ACAD11: variants seen among roughly 807,000 people sequenced by gnomAD.
The protein encoded by ACAD11 is acyl-Coenzyme A dehydrogenase family, member 11.
ACAD11 carries 83 observed loss-of-function variants against 102.2 expected under a neutral mutation model. The observed-to-expected ratio is 0.81, with a 90% CI of 0.68 to 0.97. ACAD11 has a LOEUF of 0.97. Among genes scored for constraint, ACAD11 ranks in the 50% least tolerant of loss-of-function variants. The probability of loss-of-function intolerance (pLI) is 0.00; values close to 1 mark genes in which losing one functional copy is unlikely to be tolerated. For synonymous variants in ACAD11, 324 were observed against 319.8 expected (o/e 1.01, Z -0.14); for missense variants, 901 against 951.7 (o/e 0.95, Z 0.70).
At chr3:132,559,765 A>G (rs1030669610) in intron 19 of ACAD11, 68 bp downstream of exon 19, 12 of 1,230,704 alleles carry the variant, frequency 9.8e-6, no homozygotes, top group East Asian at 2.5e-5. Flanking sequence ...ATTAATGTCA[A>G]GGCATCTGTA....
chr3:132,617,045 C>G (rs1019586920), intron 11 of ACAD11, among the ~76,000 whole-genome samples: 1 of 152,130 alleles, frequency 6.6e-6, no homozygotes, highest in Non-Finnish European at 1.5e-5. Context: ...CCTGCATTAA[C>G]TTGTTTTTGG....
chr3:132,655,070 C>A (rs1300197320), intron 1 of ACAD11, among the ~76,000 whole-genome samples: 1 of 152,156 alleles, frequency 6.6e-6, no homozygotes, highest in Non-Finnish European at 1.5e-5. Context: ...AGTAAAAACA[C>A]AGTATTATAA....
At chr3:132,564,946 C>T (rs1937168177) in intron 17 of ACAD11, among the ~76,000 whole-genome samples, 1 of 152,042 alleles carries the variant, frequency 6.6e-6, no homozygotes, top group African/African-American at 2.4e-5. Context: ...TTCTTCCCGG[C>T]AGCTGAAGAA....
intron 1 of ACAD11, 129 bp from the exon 2 acceptor site, chr3:132,645,025 T>A (rs1940666829): frequency 1.8e-6 from 1 of 564,626 alleles, no homozygotes; most frequent in African/African-American, 1.9e-5. Context: ...TCAAGAGGGG[T>A]GCTATCAGCA....
At chr3:132,641,905 T>C in intron 4 of ACAD11, 67 bp downstream of exon 4, 4 of 1,390,400 alleles carry the variant, frequency 2.9e-6, no homozygotes, top group Non-Finnish European at 3.9e-6. Context: ...TAGCTTTTTT[T>C]GTTGACTAAT....
chr3:132,657,866 CTTTTT>C (rs56190801), intron 1 of ACAD11, among the ~76,000 whole-genome samples: 4 of 119,164 alleles, frequency 3.4e-5, no homozygotes, highest in Non-Finnish European at 5.2e-5. Context: ...ACACATATTC[CTTTTT>C]TTTTTTTTTT....
intron 11 of ACAD11, among the ~76,000 whole-genome samples, chr3:132,610,436 T>C (rs912511455): frequency 6.6e-6 from 1 of 152,070 alleles, no homozygotes; most frequent in Non-Finnish European, 1.5e-5. Flanking sequence ...ATCCAGGAGC[T>C]GGTTTTTTGA....
intron 6 of ACAD11, 29 bp from the exon 7 acceptor site, chr3:132,630,587 T>C (rs771854653): frequency 1.3e-6 from 2 of 1,573,994 alleles, no homozygotes; most frequent in Non-Finnish European, 1.7e-6. Context: ...ATATAAACTT[T>C]AATTAAAATG....
intron 13 of ACAD11, among the ~76,000 whole-genome samples, chr3:132,591,193 G>A (rs1223543570): frequency 6.6e-6 from 1 of 152,110 alleles, no homozygotes; most frequent in Non-Finnish European, 1.5e-5. Flanking sequence ...ATGGTGTAAG[G>A]TACGGGTCCA....
intron 11 of ACAD11, among the ~76,000 whole-genome samples, chr3:132,608,495 G>C (rs1345872305): frequency 6.6e-6 from 1 of 152,122 alleles, no homozygotes; most frequent in African/African-American, 2.4e-5. Flanking sequence ...TGCAATCCTA[G>C]TTTCTAATAA....
chr3:132,619,637 T>C (rs964957105), intron 9 of ACAD11, 92 bp from the exon 10 acceptor site: 1 of 637,516 alleles, frequency 1.6e-6, no homozygotes, highest in Middle Eastern at 3.8e-4. Context: ...TAAACATTTT[T>C]AGGTGAAGAT....
chr3:132,654,821 G>A (rs866782135), intron 1 of ACAD11, among the ~76,000 whole-genome samples: 7 of 152,264 alleles, frequency 4.6e-5, no homozygotes, highest in Middle Eastern at 3.4e-3. Context: ...ACAATAAATC[G>A]TGAATTCCTA....
chr3:132,596,845 T>C (rs551240833), intron 13 of ACAD11, among the ~76,000 whole-genome samples: 1 of 152,368 alleles, frequency 6.6e-6, no homozygotes, highest in Non-Finnish European at 1.5e-5. Context: ...ACCTAATGAT[T>C]ACTTATAATT....
chr3:132,655,319 T>C (rs540650518), intron 1 of ACAD11, among the ~76,000 whole-genome samples: 5 of 150,624 alleles, frequency 3.3e-5, no homozygotes, highest in Non-Finnish European at 5.9e-5. Flanking sequence ...TTTGTTGTTG[T>C]TGTTTGTTTG....
intron 9 of ACAD11, among the ~76,000 whole-genome samples, chr3:132,625,151 A>T (rs1014344937): frequency 5.9e-5 from 9 of 152,192 alleles, no homozygotes; most frequent in Non-Finnish European, 1.3e-4. Flanking sequence ...TATATAAGCC[A>T]ATCACAGTGG....
chr3:132,639,990 A>T (rs1241398845), intron 4 of ACAD11, among the ~76,000 whole-genome samples: 11 of 149,006 alleles, frequency 7.4e-5, no homozygotes, highest in African/African-American at 2.8e-4. Context: ...GCACACACAC[A>T]CTCTCTCTCA....
At chr3:132,632,220 A>G (rs557511810) in intron 5 of ACAD11, among the ~76,000 whole-genome samples, 89 of 152,066 alleles carry the variant, frequency 5.9e-4, no homozygotes, top group South Asian at 1.0e-3. Flanking sequence ...AATAGCTGGG[A>G]CTACAGGTGC....
intron 4 of ACAD11, among the ~76,000 whole-genome samples, chr3:132,641,142 CTG>C (rs943297330): frequency 6.6e-6 from 1 of 152,080 alleles, no homozygotes; most frequent in African/African-American, 2.4e-5. Context: ...CCATAAGTTC[CTG>C]TGGGGAAGAA....
chr3:132,650,867 G>T (rs954363966), intron 1 of ACAD11, among the ~76,000 whole-genome samples: 1 of 151,806 alleles, frequency 6.6e-6, no homozygotes, highest in African/African-American at 2.4e-5. Flanking sequence ...TTTTATACTT[G>T]TTTACTGCAT....
Sources: gnomAD v4.1 joint callset for allele counts (sites outside exome capture counted in the v4.1 genomes callset) on GRCh38, gnomAD v4.1.1 for gene constraint, MANE v1.5 for transcripts, NCBI Gene and HGNC (gene_info 2026-07-23, HGNC 2026-07-21) for gene names.